Variants in CNGB1 observed in about 807,000 individuals in gnomAD.
The protein encoded by CNGB1 is cyclic nucleotide gated channel subunit beta 1.
A neutral mutation model predicts 151.7 loss-of-function variants in CNGB1; 126 were observed. The ratio of observed to expected loss-of-function variants is 0.83; its 90% confidence interval spans 0.72 to 0.96. The LOEUF is 0.96. CNGB1 is among the 40% of genes least tolerant of loss of function. CNGB1 has a pLI of 0.00. For missense variants in CNGB1, 1,698 were observed against 1,627.0 expected (o/e 1.04, Z -0.75); for synonymous variants, 623 against 635.1 (o/e 0.98, Z 0.29).
intron 20 of CNGB1, among the ~76,000 whole-genome samples, chr16:57,918,038 CATGGATGGATGGATGGATGGATGG>C (rs71155216): frequency 1.3e-5 from 2 of 149,736 alleles, no homozygotes; most frequent in Admixed American, 1.3e-4. Flanking sequence ...CAGGTGAATG[CATGGATGGATGGATGGATGGATGG>C]ATGGATGGAT....
intron 1 of CNGB1, among the ~76,000 whole-genome samples, chr16:57,969,148 A>G (rs1359286931): frequency 1.3e-5 from 2 of 152,054 alleles, no homozygotes; most frequent in African/African-American, 2.4e-5. Context: ...TCCACTAAAA[A>G]TACAAAAATT....
chr16:57,938,801 G>A (rs2149375629), intron 16 of CNGB1, among the ~76,000 whole-genome samples: 1 of 152,302 alleles, frequency 6.6e-6, no homozygotes, highest in African/African-American at 2.4e-5. Context: ...ACCTGTCCCA[G>A]CTCCAGGGTC....
intron 10 of CNGB1, among the ~76,000 whole-genome samples, chr16:57,959,303 A>G (rs1174976286): frequency 1.3e-5 from 2 of 151,648 alleles, no homozygotes; most frequent in Non-Finnish European, 2.9e-5. Context: ...CACATTTTTC[A>G]GGTTAAGAAA....
chr16:57,907,882 G>A (rs1330704213), intron 25 of CNGB1, among the ~76,000 whole-genome samples: 1 of 151,986 alleles, frequency 6.6e-6, no homozygotes, highest in East Asian at 1.9e-4. Flanking sequence ...TGCCTGCCTG[G>A]GCTGCCCTGG....
intron 20 of CNGB1, among the ~76,000 whole-genome samples, chr16:57,918,284 A>G (rs892999308): frequency 3.0e-4 from 45 of 152,142 alleles, no homozygotes; most frequent in Middle Eastern, 3.4e-3. Context: ...CCATCAGGTT[A>G]TTTAAAGAAT....
intron 23 of CNGB1, 21 bp from the exon 24 acceptor site, chr16:57,913,015 G>C (rs1184374174): frequency 1.2e-6 from 2 of 1,613,236 alleles, no homozygotes. Context: ...AGGAGGGCGT[G>C]AGAGCAGCCC....
At chr16:57,948,245 T>C (rs1961856268) in intron 14 of CNGB1, among the ~76,000 whole-genome samples, 1 of 151,884 alleles carries the variant, frequency 6.6e-6, no homozygotes, top group African/African-American at 2.4e-5. Flanking sequence ...TGGCTCCCCA[T>C]CGCCTTTGGG....
rs528300559 is a variant in CNGB1 at position 57,918,299 on chromosome 16, T to G, written c.1957+800A>C. 2.6e-5 allele frequency among the ~76,000 whole-genome samples: 4 copies of G among 152,076 alleles called. No individual in the cohort carries two copies. The East Asian group carries it at 7.8e-4, about 30-fold the overall frequency. Reference sequence around the variant, plus strand: ...CCATCAGGTTATTTAAAGAATCCAGTGGACACCAGGGTTGAAGTCCTGCCC... The same window carrying G: ...CCATCAGGTTATTTAAAGAATCCAGGGGACACCAGGGTTGAAGTCCTGCCC... On this transcript the variant is annotated intron_variant, in intron 20 of 32. Coordinates refer to ENST00000251102, the MANE Select transcript of CNGB1 (RefSeq NM_001297.5).
intron 20 of CNGB1, among the ~76,000 whole-genome samples, chr16:57,917,691 G>A (rs1188062781): frequency 6.6e-6 from 1 of 151,542 alleles, no homozygotes; most frequent in African/African-American, 2.4e-5. Context: ...GCCAGGCACA[G>A]TGGCTCATGT....
intron 19 of CNGB1, 140 bp from the exon 20 acceptor site, chr16:57,919,394 T>C: frequency 1.3e-6 from 2 of 1,511,968 alleles, no homozygotes; most frequent in Non-Finnish European, 1.8e-6. Flanking sequence ...GCAAGCTCTG[T>C]GTGCAGAACC....
At chr16:57,960,404 C>A in intron 9 of CNGB1, 78 bp downstream of exon 9, 1 of 1,546,200 alleles carries the variant, frequency 6.5e-7, no homozygotes, top group Non-Finnish European at 8.8e-7. Flanking sequence ...TCTGGGGGAT[C>A]CTCCAGGGCC....
chr16:57,964,445 C>G, intron 3 of CNGB1, 42 bp downstream of exon 3: 2 of 1,608,926 alleles, frequency 1.2e-6, no homozygotes, highest in South Asian at 1.1e-5. Flanking sequence ...AGAATGCGGG[C>G]CCCCCTGCCA....
At chr16:57,915,810 G>A (rs1960849229) in intron 22 of CNGB1, among the ~76,000 whole-genome samples, 1 of 151,002 alleles carries the variant, frequency 6.6e-6, no homozygotes, top group African/African-American at 2.4e-5. Context: ...GAGGCAGGAG[G>A]AGTGCTTGAA....
At chr16:57,898,015 C>G in intron 29 of CNGB1, 101 bp from the exon 30 acceptor site, 2 of 1,218,226 alleles carry the variant, frequency 1.6e-6, no homozygotes, top group Non-Finnish European at 2.4e-6. Context: ...AAGGAGGAAC[C>G]TAGGCACTGG....
At chr16:57,887,496 G>A (rs1227878167) in intron 32 of CNGB1, among the ~76,000 whole-genome samples, 3 of 151,916 alleles carry the variant, frequency 2.0e-5, no homozygotes, top group Admixed American at 2.0e-4. Context: ...CTTTCTGTTG[G>A]AGTTGCTATG....
At chr16:57,936,355 C>T (rs1243680107) in intron 16 of CNGB1, among the ~76,000 whole-genome samples, 1 of 152,214 alleles carries the variant, frequency 6.6e-6, no homozygotes. Flanking sequence ...TCCTTTCACT[C>T]CCCTCCACTC....
Position 57,958,407 on chromosome 16 carries a change from G to T in CNGB1, c.837+3C>A. 1 of 1,564,730 alleles carries T rather than the reference G, an allele frequency of 6.4e-7. No homozygotes were observed. Among genetic ancestry groups the T allele is most frequent in the South Asian group, 1.1e-5 (1 of 89,808 alleles). On this transcript the variant is annotated splice_donor_region_variant and intron_variant, in intron 11 of 32. Transcript: ENST00000251102. ...GCCACCACTCCATGAGCCCAGCACT[G>T]ACCTGTTCCCCTATTTTCCCATGTA...
chr16:57,917,514 C>T lies in CNGB1; in HGVS notation c.1958-38G>A, dbSNP rs8062109. On this transcript the variant is annotated intron_variant, in intron 20 of 32. Transcript: ENST00000251102. ...TTGACGGGGACGCTAGAGCATCAGCCAGGCAAGGCTCTTCACCAGTTGGAT... is the reference window on the plus strand; with the variant it reads ...TTGACGGGGACGCTAGAGCATCAGCTAGGCAAGGCTCTTCACCAGTTGGAT... 3.8e-3 allele frequency: 6,053 copies of T among 1,602,278 alleles called. 192 individuals are homozygous for T. In the African/African-American group the frequency reaches 0.072, roughly 19 times the overall value.
At chr16:57,950,797 G>A (rs998927964) in intron 12 of CNGB1, among the ~76,000 whole-genome samples, 3 of 152,194 alleles carry the variant, frequency 2.0e-5, no homozygotes, top group East Asian at 3.8e-4. Context: ...TTTGATTATG[G>A]TTGATCCTGT....
Sources: gnomAD v4.1 joint callset for allele counts (sites outside exome capture counted in the v4.1 genomes callset) on GRCh38, gnomAD v4.1.1 for gene constraint, MANE v1.5 for transcripts, NCBI Gene and HGNC (gene_info 2026-07-23, HGNC 2026-07-21) for gene names.